Variants in CDKAL1 observed in about 807,000 individuals in gnomAD.
The protein encoded by CDKAL1 is threonylcarbamoyladenosine tRNA methylthiotransferase.
CDKAL1 carries 32 observed loss-of-function variants against 68.2 expected under a neutral mutation model. The observed-to-expected ratio is 0.47, with a 90% CI of 0.35 to 0.63. The LOEUF (loss-of-function observed/expected upper bound fraction) is 0.63, where lower values mean the gene tolerates loss of function less well. Ranked by LOEUF, CDKAL1 falls within the 30% of genes least tolerant of loss-of-function variation. CDKAL1 has a pLI of 0.00. For missense variants in CDKAL1, 606 were observed against 696.7 expected, an observed-to-expected ratio of 0.87 and a Z score of 1.47; for synonymous variants, 234 against 244.3, an observed-to-expected ratio of 0.96 and a Z score of 0.39.
intron 10 of CDKAL1, among the ~76,000 whole-genome samples, chr6:20,978,265 G>A (rs1765944314): frequency 6.6e-6 from 1 of 152,192 alleles, no homozygotes; most frequent in African/African-American, 2.4e-5. Context: ...CCAATGAGTA[G>A]CTCTTCAGAT....
intron 13 of CDKAL1, among the ~76,000 whole-genome samples, chr6:21,136,652 A>G (rs138292425): frequency 6.6e-6 from 1 of 152,302 alleles, no homozygotes; most frequent in African/African-American, 2.4e-5. Context: ...TCTCCTAAGA[A>G]CTAAAAATGT....
chr6:20,737,434 T>C (rs1383939039), intron 5 of CDKAL1, among the ~76,000 whole-genome samples: 1 of 152,256 alleles, frequency 6.6e-6, no homozygotes. Context: ...TTAGATATGC[T>C]TAATAAGAAA....
chr6:20,709,395 T>C (rs1215204868), intron 5 of CDKAL1, among the ~76,000 whole-genome samples: 1 of 152,010 alleles, frequency 6.6e-6, no homozygotes, highest in Non-Finnish European at 1.5e-5. Context: ...AATGTGATGC[T>C]CAAAGGAAAT....
rs542768827 is a variant in CDKAL1, at chr6:20,797,816, T to G, written c.638+16551T>G. 2.0e-3 allele frequency among the ~76,000 whole-genome samples: 276 copies of G among 140,170 alleles called. 1 individual carries two copies. The highest frequency in any genetic ancestry group is 6.9e-3 in the African/African-American group (255 of 36,954). 92.0% of individuals were successfully genotyped at this position (140,170 alleles called of 152,430 possible). Reference sequence around the variant, plus strand: ...TTTATTTTATTTTATTTTATTTTATTTTATTTTATTTTTTCTTGGAGACAG... The same window carrying G: ...TTTATTTTATTTTATTTTATTTTATGTTATTTTATTTTTTCTTGGAGACAG... On this transcript the variant is annotated intron_variant, in intron 8 of 15. Coordinates refer to ENST00000274695, the MANE Select transcript of CDKAL1 (RefSeq NM_017774.3).
intron 4 of CDKAL1, among the ~76,000 whole-genome samples, chr6:20,624,539 T>G (rs1373549133): frequency 6.6e-6 from 1 of 152,040 alleles, no homozygotes. Context: ...TCTCTGCTTC[T>G]CTTCACCTTA....
chr6:20,855,746 T>C (rs1187841383), intron 9 of CDKAL1, among the ~76,000 whole-genome samples: 1 of 152,216 alleles, frequency 6.6e-6, no homozygotes, highest in Non-Finnish European at 1.5e-5. Flanking sequence ...CTTTTCTTTG[T>C]GTATGTTTCA....
At chr6:21,131,026 C>T (rs1391238994) in intron 13 of CDKAL1, among the ~76,000 whole-genome samples, 1 of 152,172 alleles carries the variant, frequency 6.6e-6, no homozygotes, top group Non-Finnish European at 1.5e-5. Context: ...AAGCTACTTC[C>T]AGGGCAGGGC....
intron 15 of CDKAL1, among the ~76,000 whole-genome samples, 165 bp from the exon 16 acceptor site, chr6:21,230,683 A>T (rs933152588): frequency 1.3e-5 from 2 of 151,640 alleles, no homozygotes; most frequent in Admixed American, 6.6e-5. Flanking sequence ...TGACTCATTC[A>T]TACCTACCTT....
At position 21,231,312 on chromosome 6, in the gene CDKAL1, C is replaced by T; in HGVS notation, c.*273C>T. ...TTTTAGCAAGAAATGCAAGCGGTTG[C>T]ATTTTTTTCTGTTTGTTTCAATCTC... On this transcript the variant is annotated 3_prime_UTR_variant, in exon 16 of 16. Transcript: ENST00000274695. 3.7e-6 allele frequency: 1 copy of T among 272,064 alleles called. No individual in the cohort carries two copies. The highest frequency in any genetic ancestry group is 6.2e-6 in the Non-Finnish European group (1 of 160,346). 16.9% of individuals were successfully genotyped at this position (272,064 alleles called of 1,614,324 possible).
intron 15 of CDKAL1, among the ~76,000 whole-genome samples, chr6:21,220,245 T>C (rs1234486599): frequency 6.6e-6 from 1 of 152,158 alleles, no homozygotes; most frequent in Non-Finnish European, 1.5e-5. Flanking sequence ...CACTTGTCCA[T>C]ATATCTTAGG....
intron 9 of CDKAL1, among the ~76,000 whole-genome samples, chr6:20,877,717 C>A (rs1442865351): frequency 6.6e-6 from 1 of 152,182 alleles, no homozygotes; most frequent in East Asian, 1.9e-4. Context: ...TAAACTTGTG[C>A]ATTAGGGTAG....
intron 10 of CDKAL1, among the ~76,000 whole-genome samples, chr6:20,978,941 A>T (rs960872922): frequency 3.9e-5 from 6 of 152,084 alleles, no homozygotes; most frequent in Non-Finnish European, 8.8e-5. Context: ...CTTGCATCTT[A>T]TTTATCTTAA....
chr6:21,123,245 A>T (rs1774819339), intron 13 of CDKAL1, among the ~76,000 whole-genome samples: 1 of 152,132 alleles, frequency 6.6e-6, no homozygotes, highest in Non-Finnish European at 1.5e-5. Context: ...ACTTGAGGCC[A>T]GGAGTTGGAG....
At chr6:21,206,008 T>G (rs1778918014) in intron 15 of CDKAL1, among the ~76,000 whole-genome samples, 1 of 150,748 alleles carries the variant, frequency 6.6e-6, no homozygotes, top group African/African-American at 2.4e-5. Flanking sequence ...CTAATTTTTT[T>G]TTTTTCTTTG....
At chr6:21,106,506 C>G (rs771670849) in intron 12 of CDKAL1, among the ~76,000 whole-genome samples, 4 of 152,132 alleles carry the variant, frequency 2.6e-5, no homozygotes, top group South Asian at 2.1e-4. Flanking sequence ...GGCCCAGGAG[C>G]CCAAGGCTGC....
At chr6:20,600,515 A>G (rs571338026) in intron 4 of CDKAL1, among the ~76,000 whole-genome samples, 174 of 152,106 alleles carry the variant, frequency 1.1e-3, no homozygotes, top group Non-Finnish European at 2.3e-3. Context: ...CATTTAAATC[A>G]TTATTTTTTG....
chr6:20,630,074 G>A (rs1308540572), intron 4 of CDKAL1, among the ~76,000 whole-genome samples: 1 of 151,934 alleles, frequency 6.6e-6, no homozygotes, highest in African/African-American at 2.4e-5. Context: ...TCACCATGTT[G>A]GCCATGCTGG....
At chr6:21,125,694 A>G (rs1376201793) in intron 13 of CDKAL1, among the ~76,000 whole-genome samples, 1 of 152,120 alleles carries the variant, frequency 6.6e-6, no homozygotes, top group Non-Finnish European at 1.5e-5. Context: ...AAACAAACAA[A>G]CAAACAAAAA....
chr6:21,135,978 AT>A (rs1035641907), intron 13 of CDKAL1, among the ~76,000 whole-genome samples: 3 of 152,170 alleles, frequency 2.0e-5, no homozygotes, highest in African/African-American at 7.2e-5. Context: ...AACACAAGTG[AT>A]TTTCTTATTT....
Sources: gnomAD v4.1 joint callset for allele counts (sites outside exome capture counted in the v4.1 genomes callset) on GRCh38, gnomAD v4.1.1 for gene constraint, MANE v1.5 for transcripts, NCBI Gene and HGNC (gene_info 2026-07-23, HGNC 2026-07-21) for gene names.